The following IBTK variants were observed in gnomAD, a reference collection of about 807,000 sequenced individuals.
IBTK encodes the protein inhibitor of Bruton tyrosine kinase.
IBTK carries 83 observed loss-of-function variants against 154.9 expected under a neutral mutation model. That is an observed-to-expected ratio of 0.54 (90% CI 0.45 to 0.64). The LOEUF (loss-of-function observed/expected upper bound fraction) is 0.64, where lower values mean the gene tolerates loss of function less well. IBTK is among the 30% of genes least tolerant of loss of function. IBTK has a pLI of 0.00. For missense variants in IBTK, 1,332 were observed against 1,584.6 expected, an observed-to-expected ratio of 0.84 and a Z score of 2.71; for synonymous variants, 515 against 536.1, an observed-to-expected ratio of 0.96 and a Z score of 0.54.
At chr6:82,186,463 G>GT (rs954620294) in intron 25 of IBTK, among the ~76,000 whole-genome samples, 53 of 151,286 alleles carry the variant, frequency 3.5e-4, no homozygotes, top group African/African-American at 7.0e-4. Flanking sequence ...TTACATTAAG[G>GT]TTTTTTTTTG....
rs565126067 is a variant in IBTK, at chr6:82,222,580, C to T, written c.1124+860G>A. Among the ~76,000 whole-genome samples the T allele has an allele frequency of 1.1e-4, 16 of 152,218 alleles. No individual in the cohort carries two copies. In the East Asian group the frequency reaches 2.9e-3, roughly 28 times the overall value. On this transcript the variant is annotated intron_variant, in intron 8 of 28. Coordinates refer to ENST00000306270, the MANE Select transcript of IBTK (RefSeq NM_015525.4). Reference sequence around the variant, plus strand: ...ATAAATATGAGCAGCAAAAAACTGTCAAACTAATTAATCAATTATAAAAGA... The same window carrying T: ...ATAAATATGAGCAGCAAAAAACTGTTAAACTAATTAATCAATTATAAAAGA...
At chr6:82,208,135 A>T (rs1769480109) in intron 16 of IBTK, among the ~76,000 whole-genome samples, 1 of 151,840 alleles carries the variant, frequency 6.6e-6, no homozygotes, top group Non-Finnish European at 1.5e-5. Context: ...AAAAAAAAAA[A>T]AGGTAATTAT....
chr6:82,217,505 A>G (rs1562095590), intron 10 of IBTK, among the ~76,000 whole-genome samples: 1 of 152,142 alleles, frequency 6.6e-6, no homozygotes. Context: ...ACTTTCCCCT[A>G]TATCTGGCAC....
At chr6:82,212,469 T>C (rs1769689602) in intron 13 of IBTK, among the ~76,000 whole-genome samples, 1 of 152,132 alleles carries the variant, frequency 6.6e-6, no homozygotes, top group African/African-American at 2.4e-5. Context: ...AATTAAAAGT[T>C]CCACTCTCTA....
chr6:82,193,369 T>C (rs1235078587), intron 23 of IBTK, among the ~76,000 whole-genome samples: 1 of 151,990 alleles, frequency 6.6e-6, no homozygotes, highest in East Asian at 1.9e-4. Flanking sequence ...ACATTAGCAA[T>C]CAGAAGATGT....
chr6:82,225,458 T>C lies in IBTK; in HGVS notation c.825+19A>G. 6.3e-7 allele frequency: 1 copy of C among 1,591,540 alleles called. No individual in the cohort carries two copies. The highest frequency in any genetic ancestry group is 1.4e-5 in the African/African-American group (1 of 73,784). On this transcript the variant is annotated intron_variant, in intron 6 of 28. Transcript: ENST00000306270. ...TATTGCAAATGTAAAACCTTATTATTTAAAAGAGTAAAGCTTACCTGTCTG... is the reference window on the plus strand; with the variant it reads ...TATTGCAAATGTAAAACCTTATTATCTAAAAGAGTAAAGCTTACCTGTCTG...
At position 82,241,858 on chromosome 6, in the gene IBTK, A is replaced by G. The variant is rs75000094; in HGVS notation, c.-357-1015T>C. Among the ~76,000 whole-genome samples the G allele has an allele frequency of 2.6e-5, 4 of 152,328 alleles. No individual in the cohort carries two copies. In the East Asian group the frequency reaches 5.8e-4, roughly 22 times the overall value. ...TTAGAAGGACATACTTGAGTTTACT[A>G]TATGTATAGGGAAAGCTTCTATGCA... is the stretch of plus-strand genomic sequence containing the variant. On this transcript the variant is annotated intron_variant, in intron 1 of 28. Transcript: ENST00000306270.
At chr6:82,174,211 T>C (rs551751241) in intron 26 of IBTK, among the ~76,000 whole-genome samples, 15 of 152,240 alleles carry the variant, frequency 9.9e-5, no homozygotes, top group African/African-American at 3.4e-4. Flanking sequence ...ACCTAAAATA[T>C]TGACTTCGTG....
At chr6:82,198,133 T>G (rs1021283785) in intron 21 of IBTK, among the ~76,000 whole-genome samples, 1 of 152,228 alleles carries the variant, frequency 6.6e-6, no homozygotes, top group Non-Finnish European at 1.5e-5. Context: ...TCATTACTAA[T>G]GTCTCTTCTA....
rs1358090885 is a variant in IBTK at position 82,200,647 on chromosome 6, A to C, written c.2852T>G (p.Leu951Trp). 1.3e-6 allele frequency: 2 copies of C among 1,599,858 alleles called. No individual in the cohort carries two copies. Among genetic ancestry groups the C allele is most frequent in the African/African-American group, 2.7e-5 (2 of 73,860 alleles). The change falls in exon 20 of 29, where the codon TTG (leucine) becomes TGG (tryptophan). Residue 951 changes from leucine to tryptophan, a missense_variant. Leu to Trp is a moderately conservative substitution (Grantham distance 61, BLOSUM62 -2). Coordinates refer to ENST00000306270, the MANE Select transcript of IBTK (RefSeq NM_015525.4). ...GAAGATATCTCCATCTTCTACTTCC[A>C]AATAGCTAATATCTGGTCCATCTTG... ...PYQDGPDISY[L>W]EVEDGDIFLK...
At chr6:82,198,141 C>T (rs535828386) in intron 21 of IBTK, among the ~76,000 whole-genome samples, 2 of 152,252 alleles carry the variant, frequency 1.3e-5, no homozygotes, top group African/African-American at 4.8e-5. Flanking sequence ...AATGTCTCTT[C>T]TAGCTCTGAA....
chr6:82,202,904 G>A (rs1345571385), intron 17 of IBTK, among the ~76,000 whole-genome samples: 1 of 152,076 alleles, frequency 6.6e-6, no homozygotes, highest in Non-Finnish European at 1.5e-5. Context: ...TACAGAAGGG[G>A]CATAGTGCCA....
chr6:82,224,460 A>AT (rs1047624817), intron 6 of IBTK, among the ~76,000 whole-genome samples: 1 of 152,134 alleles, frequency 6.6e-6, no homozygotes, highest in African/African-American at 2.4e-5. Context: ...ACTTTTAGCT[A>AT]TTTTTCTTTT....
intron 1 of IBTK, among the ~76,000 whole-genome samples, chr6:82,246,414 C>T (rs1325014711): frequency 2.0e-5 from 3 of 150,428 alleles, no homozygotes; most frequent in African/African-American, 7.3e-5. Context: ...CCACCTTGGC[C>T]TCCCAGACTG....
chr6:82,187,724 G>A (rs374442654), intron 25 of IBTK, among the ~76,000 whole-genome samples: 5 of 152,194 alleles, frequency 3.3e-5, no homozygotes, highest in South Asian at 2.1e-4. Context: ...TCCTGAAGTC[G>A]ACATGAGCAT....
chr6:82,212,178 G>A (rs1271185030), intron 13 of IBTK, among the ~76,000 whole-genome samples: 3 of 151,928 alleles, frequency 2.0e-5, no homozygotes, highest in Non-Finnish European at 4.4e-5. Flanking sequence ...TATTTTCTTC[G>A]TAGAGACAGG....
chr6:82,185,774 A>G (rs1768530694), intron 25 of IBTK, among the ~76,000 whole-genome samples: 1 of 152,118 alleles, frequency 6.6e-6, no homozygotes, highest in Admixed American at 6.6e-5. Context: ...AGTTCAGGTT[A>G]AAATACTTTG....
chr6:82,234,092 G>T, intron 3 of IBTK, 67 bp downstream of exon 3: 3 of 644,188 alleles, frequency 4.7e-6, no homozygotes, highest in Non-Finnish European at 5.3e-6. Flanking sequence ...GCCTGCCTCA[G>T]CCTACCAAAT....
At chr6:82,240,100 T>A in intron 2 of IBTK, 66 bp downstream of exon 2, 5 of 1,358,718 alleles carry the variant, frequency 3.7e-6, no homozygotes, top group Non-Finnish European at 5.1e-6. Context: ...ATGTAGGATG[T>A]ATGAAAATGA....
Sources: allele counts gnomAD v4.1 joint callset (sites outside exome capture counted in the v4.1 genomes callset), GRCh38; gene constraint gnomAD v4.1.1; transcripts MANE v1.5; gene names NCBI Gene and HGNC (gene_info 2026-07-23, HGNC 2026-07-21).